Variants in RASGRP3 observed in about 807,000 individuals in gnomAD.
RASGRP3 encodes the protein RAS guanyl releasing protein 3.
In RASGRP3, 54 loss-of-function variants were observed where a neutral mutation model predicts 82.7. The observed-to-expected ratio is 0.65, with a 90% CI of 0.52 to 0.82. The LOEUF (loss-of-function observed/expected upper bound fraction) is 0.82. RASGRP3 is among the 40% of genes least tolerant of loss of function. The probability of loss-of-function intolerance (pLI) is 0.00; values close to 1 mark genes in which losing one functional copy is unlikely to be tolerated. For missense variants in RASGRP3, 861 were observed against 828.9 expected (o/e 1.04, Z -0.48); for synonymous variants, 309 against 300.5 (o/e 1.03, Z -0.29).
chr2:33,472,960 A>AAT (rs1433052004), upstream of RASGRP3, among the ~76,000 whole-genome samples: 1 of 151,982 alleles, frequency 6.6e-6, no homozygotes, highest in African/African-American at 2.4e-5. Context: ...AGGGAAAAAA[A>AAT]GCCAAGCCAC....
At chr2:33,534,106 A>G in intron 10 of RASGRP3, 1 of 549,430 alleles carries the variant, frequency 1.8e-6, no homozygotes, top group Non-Finnish European at 3.2e-6. Flanking sequence ...TGAGGAATTG[A>G]GTTGATGGTT....
intron 10 of RASGRP3, chr2:33,533,919 A>C (rs1024368364): frequency 5.6e-6 from 1 of 178,642 alleles, no homozygotes; most frequent in Non-Finnish European, 1.2e-5. Context: ...AAATAATAGG[A>C]GCCTAGTTAA....
chr2:33,443,720 A>AG (rs1364593711), intron 1 of RASGRP3, among the ~76,000 whole-genome samples: 2 of 150,836 alleles, frequency 1.3e-5, no homozygotes, highest in African/African-American at 2.4e-5. Context: ...AAAAAAAAAA[A>AG]AAAAAAAAAA....
intron 2 of RASGRP3, among the ~76,000 whole-genome samples, chr2:33,470,652 T>C (rs1667004110): frequency 6.6e-6 from 1 of 152,166 alleles, no homozygotes; most frequent in Non-Finnish European, 1.5e-5. Flanking sequence ...GTGCTGGGAT[T>C]ATGGGTGTGA....
At chr2:33,473,878 G>A (rs769427670), upstream of RASGRP3, among the ~76,000 whole-genome samples, 15 of 152,160 alleles carry the variant, frequency 9.9e-5, no homozygotes, top group East Asian at 1.9e-4. Flanking sequence ...TCCATGGACC[G>A]GGAATGAGGG....
At chr2:33,451,292 C>G (rs1020854555) in intron 2 of RASGRP3, among the ~76,000 whole-genome samples, 1 of 152,112 alleles carries the variant, frequency 6.6e-6, no homozygotes, top group Non-Finnish European at 1.5e-5. Context: ...GAGTTCCTTA[C>G]ATATTTTGGA....
chr2:33,480,853 T>C (rs142337088), intron 1 of RASGRP3, among the ~76,000 whole-genome samples: 1 of 152,310 alleles, frequency 6.6e-6, no homozygotes, highest in East Asian at 1.9e-4. Context: ...TTTCAAGTGA[T>C]TATTATAGCT....
At chr2:33,515,329 G>C in intron 3 of RASGRP3, 123 bp downstream of exon 3, 1 of 939,760 alleles carries the variant, frequency 1.1e-6, no homozygotes, top group East Asian at 2.5e-5. Context: ...AAGGCCTTTC[G>C]GATGGACCCG....
chr2:33,502,481 GTC>G (rs542768559), intron 1 of RASGRP3, among the ~76,000 whole-genome samples: 96 of 149,106 alleles, frequency 6.4e-4, no homozygotes, highest in African/African-American at 2.2e-3. Context: ...TCTTTTAACT[GTC>G]TCTTTCTTTT....
At chr2:33,528,129 T>C (rs1481574752) in intron 10 of RASGRP3, among the ~76,000 whole-genome samples, 1 of 152,216 alleles carries the variant, frequency 6.6e-6, no homozygotes. Context: ...CATGCATCTG[T>C]CACATCACCC....
At chr2:33,470,142 A>G (rs988447810) in intron 2 of RASGRP3, among the ~76,000 whole-genome samples, 1 of 152,116 alleles carries the variant, frequency 6.6e-6, no homozygotes, top group African/African-American at 2.4e-5. Context: ...GACCTGTTTG[A>G]AAAATTTATT....
chr2:33,457,660 C>T (rs527371121), intron 2 of RASGRP3, among the ~76,000 whole-genome samples: 1 of 152,090 alleles, frequency 6.6e-6, no homozygotes, highest in South Asian at 2.1e-4. Flanking sequence ...CACTGCCACC[C>T]TTTGAGTTGG....
intron 5 of RASGRP3, 97 bp from the exon 6 acceptor site, chr2:33,520,456 A>G: frequency 7.4e-6 from 11 of 1,477,648 alleles, no homozygotes; most frequent in South Asian, 1.3e-5. Flanking sequence ...ATGGTCCTGG[A>G]CTTGGTGTTA....
At chr2:33,440,757 A>C (rs760728243) in intron 1 of RASGRP3, among the ~76,000 whole-genome samples, 1 of 152,212 alleles carries the variant, frequency 6.6e-6, no homozygotes, top group Non-Finnish European at 1.5e-5. Context: ...TATGATGAAG[A>C]ATCTATAATC....
At chr2:33,477,344 T>C (rs113337926) in intron 1 of RASGRP3, among the ~76,000 whole-genome samples, 282 of 152,380 alleles carry the variant, frequency 1.9e-3, no homozygotes, top group African/African-American at 6.5e-3. Flanking sequence ...GCGACTTTTT[T>C]TCCCCCCAAC....
intron 14 of RASGRP3, among the ~76,000 whole-genome samples, chr2:33,554,206 G>A (rs371944789): frequency 6.6e-5 from 10 of 152,140 alleles, no homozygotes; most frequent in Non-Finnish European, 7.3e-5. Context: ...CTGGAAGAGC[G>A]GGCCATGCTG....
intron 17 of RASGRP3, among the ~76,000 whole-genome samples, chr2:33,560,949 T>C (rs1340861359): frequency 1.3e-5 from 2 of 152,260 alleles, no homozygotes. Context: ...CATTAATCTC[T>C]ATAAGGAAAT....
At chr2:33,543,426 C>G in intron 12 of RASGRP3, 86 bp from the exon 13 acceptor site, 9 of 743,502 alleles carry the variant, frequency 1.2e-5, no homozygotes, top group Middle Eastern at 2.4e-4. Flanking sequence ...TAGAAAGGAT[C>G]ATATGCTAGT....
intron 11 of RASGRP3, among the ~76,000 whole-genome samples, chr2:33,538,557 G>T (rs1167792449): frequency 6.6e-6 from 1 of 151,910 alleles, no homozygotes; most frequent in East Asian, 1.9e-4. Context: ...AATTTAAGTT[G>T]CTGTTAAACA....
Sources: gnomAD v4.1 joint callset for allele counts (sites outside exome capture counted in the v4.1 genomes callset) on GRCh38, gnomAD v4.1.1 for gene constraint, MANE v1.5 for transcripts, NCBI Gene and HGNC (gene_info 2026-07-23, HGNC 2026-07-21) for gene names.